The following TMEM267 variants were observed in gnomAD, a reference collection of about 807,000 sequenced individuals.
TMEM267 encodes transmembrane protein 267.
In TMEM267, 20 loss-of-function variants were observed where a neutral mutation model predicts 19.3. The ratio of observed to expected loss-of-function variants is 1.04; its 90% CI spans 0.73 to 1.51. The LOEUF (loss-of-function observed/expected upper bound fraction) is 1.51. TMEM267 is among the 40% of genes most tolerant of loss of function. The pLI, the probability that TMEM267 is intolerant of heterozygous loss-of-function variation, is 0.00. For missense variants in TMEM267, 242 were observed against 261.9 expected (o/e 0.92, Z 0.52); for synonymous variants, 88 against 90.3 (o/e 0.97, Z 0.15).
chr5:43,450,013 A>C (rs1219161881), intron 2 of TMEM267, among the ~76,000 whole-genome samples: 1 of 150,124 alleles, frequency 6.7e-6, no homozygotes, highest in Admixed American at 6.6e-5. Flanking sequence ...TTTTTTTGAC[A>C]GAGACTTGTG....
At chr5:43,477,463 G>A (rs1427513280) in intron 1 of TMEM267, among the ~76,000 whole-genome samples, 1 of 151,980 alleles carries the variant, frequency 6.6e-6, no homozygotes, top group Non-Finnish European at 1.5e-5. Context: ...GCATGATGGC[G>A]TGTGCCTGTA....
chr5:43,449,980 A>G (rs576212706), intron 2 of TMEM267, among the ~76,000 whole-genome samples: 59 of 151,814 alleles, frequency 3.9e-4, no homozygotes, highest in African/African-American at 1.4e-3. Context: ...TAAAATATCA[A>G]TGTAGCGTTT....
chr5:43,470,629 CACAA>C (rs1744009766), intron 1 of TMEM267, among the ~76,000 whole-genome samples: 1 of 152,168 alleles, frequency 6.6e-6, no homozygotes, highest in African/African-American at 2.4e-5. Flanking sequence ...ATTTTATGTT[CACAA>C]CACCAAATGG....
At chr5:43,475,193 T>C (rs1243506316) in intron 1 of TMEM267, among the ~76,000 whole-genome samples, 1 of 152,038 alleles carries the variant, frequency 6.6e-6, no homozygotes, top group African/African-American at 2.4e-5. Flanking sequence ...TATGCAACCA[T>C]AAAAAAGAAT....
Position 43,482,817 on chromosome 5 carries a change from A to C in TMEM267, c.-75+1005T>G, listed in dbSNP as rs556387117. Among the ~76,000 whole-genome samples, 13 of 152,280 alleles carry C rather than the reference A, an allele frequency of 8.5e-5. No homozygotes were observed. The South Asian group carries it at 2.7e-3, about 32-fold the overall frequency. ...CATAACAGTACTTTTCTCCTTCCTG[A>C]ATTCCACAAACATATAATTAGCTGG... On this transcript the variant is annotated intron_variant, in intron 1 of 2. Coordinates refer to ENST00000397080, the MANE Select transcript of TMEM267 (RefSeq NM_022483.5).
intron 1 of TMEM267, among the ~76,000 whole-genome samples, chr5:43,482,095 G>T (rs562523087): frequency 5.3e-4 from 80 of 152,288 alleles, no homozygotes; most frequent in Non-Finnish European, 8.5e-4. Flanking sequence ...CGCCCGCCTC[G>T]GCCTCCCAAA....
intron 1 of TMEM267, among the ~76,000 whole-genome samples, chr5:43,465,882 C>A (rs1189752540): frequency 1.3e-5 from 2 of 150,420 alleles, no homozygotes; most frequent in Non-Finnish European, 3.0e-5. Context: ...TGCAGCACAC[C>A]AACATGGCAC....
intron 2 of TMEM267, among the ~76,000 whole-genome samples, chr5:43,453,221 G>A (rs185891024): frequency 6.6e-6 from 1 of 152,298 alleles, no homozygotes; most frequent in Admixed American, 6.5e-5. Flanking sequence ...CTTTTATGGA[G>A]TACTTAGGAG....
At chr5:43,446,788 G>A (rs1432086800) in intron 2 of TMEM267, among the ~76,000 whole-genome samples, 3 of 151,904 alleles carry the variant, frequency 2.0e-5, no homozygotes, top group Non-Finnish European at 2.9e-5. Context: ...CAGGAATATG[G>A]TGATTAATTT....
Position 43,446,868 on chromosome 5 carries a change from T to C in TMEM267, c.313-311A>G, listed in dbSNP as rs192922256. 2.2e-3 allele frequency among the ~76,000 whole-genome samples: 342 copies of C among 152,208 alleles called. 2 individuals are homozygous for C. In the South Asian group the frequency reaches 0.027, roughly 12 times the overall value. ...TAATTTATAATCTAAGTGTACAGTT[T>C]GTGTAATTTGGAGTTTTATATAATT... On this transcript the variant is annotated intron_variant, in intron 2 of 2. Coordinates refer to ENST00000397080, the MANE Select transcript of TMEM267 (RefSeq NM_022483.5).
At chr5:43,474,478 T>G (rs562530853) in intron 1 of TMEM267, among the ~76,000 whole-genome samples, 2 of 152,062 alleles carry the variant, frequency 1.3e-5, no homozygotes, top group African/African-American at 4.8e-5. Context: ...AAGAAGACAT[T>G]TGCCAGGCGT....
chr5:43,477,263 G>C (rs1744484480), intron 1 of TMEM267, among the ~76,000 whole-genome samples: 1 of 151,892 alleles, frequency 6.6e-6, no homozygotes, highest in African/African-American at 2.4e-5. Flanking sequence ...ACCAGGCTTT[G>C]AAACTATCCC....
intron 1 of TMEM267, among the ~76,000 whole-genome samples, chr5:43,454,996 T>C (rs997847060): frequency 7.2e-5 from 11 of 152,376 alleles, no homozygotes; most frequent in Admixed American, 2.0e-4. Context: ...CAACTTCTAT[T>C]ACACAATAAA....
rs372367774 is a variant in TMEM267 at position 43,474,923 on chromosome 5, TTGG to T, written c.-75+8896_-75+8898del. On this transcript the variant is annotated intron_variant, in intron 1 of 2. Coordinates refer to ENST00000397080, the MANE Select transcript of TMEM267 (RefSeq NM_022483.5). The stretch of plus-strand genomic sequence containing the variant: ...GAGAAATAGGAACGCTTTTACACTG[TTGG>T]TGGGAGTGTAAATTAGTTCAACCAA... 1.7e-3 allele frequency among the ~76,000 whole-genome samples: 261 copies of T among 152,258 alleles called. 7 individuals are homozygous for T. The East Asian group carries it at 0.044, about 26-fold the overall frequency.
Position 43,445,988 on chromosome 5 carries a change from TG to T in TMEM267, c.*233del. 7.7e-6 allele frequency: 2 copies of T among 259,564 alleles called. 1 individual carries two copies. 16.1% of individuals were successfully genotyped at this position (259,564 alleles called of 1,614,324 possible). ...AGAAAAAAACAGTAAAAATATATTG[TG>T]GAATAAATGAAACTCTAATATTGCA... is the stretch of plus-strand genomic sequence containing the variant. On this transcript the variant is annotated 3_prime_UTR_variant, in exon 3 of 3. Coordinates refer to ENST00000397080, the MANE Select transcript of TMEM267 (RefSeq NM_022483.5).
chr5:43,459,038 A>G (rs1033761304), intron 1 of TMEM267, among the ~76,000 whole-genome samples: 6 of 152,062 alleles, frequency 3.9e-5, no homozygotes, highest in Non-Finnish European at 7.4e-5. Flanking sequence ...AGAGAATGTG[A>G]TTATCATCAA....
At chr5:43,473,007 GT>G (rs763218974) in intron 1 of TMEM267, among the ~76,000 whole-genome samples, 45 of 151,816 alleles carry the variant, frequency 3.0e-4, no homozygotes, top group Non-Finnish European at 5.9e-4. Flanking sequence ...GTGTGGTGGC[GT>G]GCACCTGTAA....
At position 43,474,009 on chromosome 5, in the gene TMEM267, T is replaced by C. The variant is rs190018832; in HGVS notation, c.-75+9813A>G. Among the ~76,000 whole-genome samples the C allele has an allele frequency of 3.1e-3, 474 of 152,196 alleles. 1 individual carries two copies. The highest frequency in any genetic ancestry group is 6.8e-3 in the Middle Eastern group (2 of 294). ...TGACAAATCTGACAAAAAAAAGCAATGGGGAAAGGAATTCCTAGTTAATAA... is the reference window on the plus strand; with the variant it reads ...TGACAAATCTGACAAAAAAAAGCAACGGGGAAAGGAATTCCTAGTTAATAA... On this transcript the variant is annotated intron_variant, in intron 1 of 2. Transcript: ENST00000397080.
At chr5:43,449,219 C>T (rs1042972383) in intron 2 of TMEM267, among the ~76,000 whole-genome samples, 1 of 152,024 alleles carries the variant, frequency 6.6e-6, no homozygotes, top group Admixed American at 6.6e-5. Flanking sequence ...TTGCAGTGAG[C>T]TGAGATCACA....
Sources: gnomAD v4.1 joint callset for allele counts (sites outside exome capture counted in the v4.1 genomes callset) on GRCh38, gnomAD v4.1.1 for gene constraint, MANE v1.5 for transcripts, NCBI Gene and HGNC (gene_info 2026-07-23, HGNC 2026-07-21) for gene names.